CCDC74B: variants seen among roughly 807,000 people sequenced by gnomAD.
CCDC74B encodes the protein coiled-coil domain containing 74B.
CCDC74B carries 34 observed loss-of-function variants against 38.0 expected under a neutral mutation model. That is an observed-to-expected ratio of 0.89 (90% CI 0.68 to 1.19). The LOEUF (loss-of-function observed/expected upper bound fraction) is 1.19, where lower values mean the gene tolerates loss of function less well. Ranked by LOEUF, CCDC74B falls within the 50% of genes most tolerant of loss-of-function variation. CCDC74B has a pLI of 0.00. For missense variants in CCDC74B, 358 were observed against 406.0 expected (o/e 0.88, Z 1.02); for synonymous variants, 132 against 170.4 (o/e 0.77, Z 1.76).
At position 130,140,294 on chromosome 2, in the gene CCDC74B, G is replaced by A. The variant is rs149078598; in HGVS notation, c.563C>T (p.Ala188Val). Residue 188 changes from alanine to valine, a missense_variant, in exon 5 of 8, where the codon GCG becomes GTG. Ala to Val is a moderately conservative substitution (Grantham distance 64). Around this residue, in one of 3 missense-constraint regions of CCDC74B, gnomAD observed 213 missense variants for 212.3 expected, o/e 1.00. Coordinates refer to ENST00000409943, the MANE Select transcript of CCDC74B (RefSeq NM_001258307.2). ...NSQHQGRQMG[A>V]AAHPPMILPL... ...CAGGATCATTGGGGGGTGTGCCGCCGCCCCCATCTGCCTGCCCTGGTGCTG... is the reference window on the plus strand; with the variant it reads ...CAGGATCATTGGGGGGTGTGCCGCCACCCCCATCTGCCTGCCCTGGTGCTG... 4.7e-4 allele frequency: 766 copies of A among 1,612,894 alleles called. 9 individuals are homozygous for A. In the East Asian group the frequency reaches 0.016, roughly 33 times the overall value.
Position 130,140,317 on chromosome 2 carries a change from C to G in CCDC74B, c.540G>C (p.Gln180His). 6.2e-7 allele frequency: 1 copy of G among 1,611,332 alleles called. No homozygotes were observed. The highest frequency in any genetic ancestry group is 8.5e-7 in the Non-Finnish European group (1 of 1,178,808). ...CCGCCCCCATCTGCCTGCCCTGGTG[C>G]TGGCTGTTCCCCATACAGGCAGCTC... ...NAGAACMGNSQHQGRQMGAAA... is the reference protein window; with the variant it reads ...NAGAACMGNSHHQGRQMGAAA... The change falls in exon 5 of 8, where the codon CAG (glutamine) becomes CAC (histidine). Residue 180 changes from glutamine (Q) to histidine (H), a missense_variant. Physicochemically the swap from Gln to His is conservative, Grantham distance 24. This residue lies in a region of CCDC74B where 213 missense variants were observed against 212.3 expected (regional missense o/e 1.00). Coordinates refer to ENST00000409943, the MANE Select transcript of CCDC74B (RefSeq NM_001258307.2).
At chr2:130,143,562 G>C (rs1016375306) in intron 1 of CCDC74B, among the ~76,000 whole-genome samples, 1 of 152,216 alleles carries the variant, frequency 6.6e-6, no homozygotes, top group Non-Finnish European at 1.5e-5. Context: ...GAGATGACTG[G>C]AGGGCGTCCA....
chr2:130,143,232 G>A (rs752335055), intron 2 of CCDC74B, 37 bp downstream of exon 2: 22 of 1,604,354 alleles, frequency 1.4e-5, no homozygotes, highest in South Asian at 1.1e-4. Flanking sequence ...TGGGTGGCAA[G>A]AGCATCCCAT....
At chr2:130,139,838 C>G in intron 7 of CCDC74B, 53 bp downstream of exon 7, 2 of 1,610,446 alleles carry the variant, frequency 1.2e-6, no homozygotes. Context: ...CACTCCCTCC[C>G]TGGGGCCCAG....
At position 130,144,835 on chromosome 2, in the gene CCDC74B, C is replaced by T; in HGVS notation, c.162G>A (p.Glu54=). 5.6e-6 allele frequency: 9 copies of T among 1,613,604 alleles called. No homozygotes were observed. Among genetic ancestry groups the T allele is most frequent in the Middle Eastern group, 1.7e-4 (1 of 6,056 alleles). ...SDPQKRNLDL[E]KSLQFLQQQH... is the part of the protein sequence containing the mutation. ...GCTGCTGCAGGAACTGTAGGCTCTT[C>T]TCCAGGTCCAGGTTCCGTTTCTGCG... The change falls in exon 1 of 8, where the codon GAG becomes GAA. Residue 54 remains glutamate, a synonymous_variant. Transcript: ENST00000409943.
At chr2:130,142,597 C>T in intron 2 of CCDC74B, 6 of 1,547,024 alleles carry the variant, frequency 3.9e-6, no homozygotes, top group Non-Finnish European at 5.2e-6. Context: ...AGGGAGAGCC[C>T]TAGGCACTGC....
At position 130,140,173 on chromosome 2, in the gene CCDC74B, C is replaced by T. The variant is rs771057699; in HGVS notation, c.678+6G>A. 1 of 1,612,444 alleles carries T rather than the reference C, an allele frequency of 6.2e-7. No individual in the cohort carries two copies. The highest frequency in any genetic ancestry group is 2.2e-5 in the East Asian group (1 of 44,828). On this transcript the variant is annotated splice_donor_region_variant and intron_variant, in intron 5 of 7. Transcript: ENST00000409943. ...CCAGGGCCACCCCCACCACCCAGGGCCTCACCTCTTGGGTCTGCAGGAGGT... is the reference window on the plus strand; with the variant it reads ...CCAGGGCCACCCCCACCACCCAGGGTCTCACCTCTTGGGTCTGCAGGAGGT...
intron 4 of CCDC74B, 23 bp from the exon 5 acceptor site, chr2:130,140,394 C>G (rs753773833): frequency 1.3e-6 from 2 of 1,533,784 alleles, no homozygotes; most frequent in Admixed American, 4.1e-5. Context: ...TTGCAGCAGC[C>G]AGAGGTGACC....
chr2:130,144,039 G>A (rs538068194), intron 1 of CCDC74B, among the ~76,000 whole-genome samples: 1 of 147,342 alleles, frequency 6.8e-6, no homozygotes, highest in Non-Finnish European at 1.5e-5. Context: ...GGTGGGGGGC[G>A]GGGGAATGCC....
In CCDC74B at chr2:130,144,390, C is replaced by G. The variant is rs113859686; in HGVS notation, c.250+357G>C. 7.1e-6 allele frequency: 8 copies of G among 1,120,694 alleles called. No homozygotes were observed. In the African/African-American group the frequency reaches 7.7e-5, roughly 11 times the overall value. The allele number at this position is 1,120,694 out of a possible 1,614,324, so 69.4% of individuals were successfully genotyped here. On this transcript the variant is annotated intron_variant, in intron 1 of 7. Coordinates refer to ENST00000409943, the MANE Select transcript of CCDC74B (RefSeq NM_001258307.2). ...TCCTGACCTCGCGATCCGCCCGTCT[C>G]GGTCTCCCAAAGTGCTGGAATTACA...
chr2:130,141,881 C>T, intron 3 of CCDC74B: 1 of 831,904 alleles, frequency 1.2e-6, no homozygotes, highest in South Asian at 1.9e-5. Flanking sequence ...CTCCTGCCTG[C>T]TTGCTGCCCC....
At chr2:130,141,903 C>G in intron 3 of CCDC74B, 1 of 912,702 alleles carries the variant, frequency 1.1e-6, no homozygotes, top group South Asian at 1.8e-5. Flanking sequence ...CCCTGGGGTG[C>G]CTGCTGTGAG....
chr2:130,139,716 C>T, intron 7 of CCDC74B, 26 bp from the exon 8 acceptor site: 15 of 1,612,062 alleles, frequency 9.3e-6, no homozygotes, highest in Non-Finnish European at 1.3e-5. Flanking sequence ...GGGACTGTCA[C>T]CGTGAGCATC....
intron 1 of CCDC74B, chr2:130,144,467 G>C: frequency 7.0e-7 from 1 of 1,433,930 alleles, no homozygotes; most frequent in Non-Finnish European, 9.6e-7. Context: ...ACAGAGGTGT[G>C]TCTGACCCTG....
intron 3 of CCDC74B, 56 bp downstream of exon 3, chr2:130,142,077 C>G: frequency 1.9e-6 from 3 of 1,594,816 alleles, no homozygotes; most frequent in Non-Finnish European, 2.6e-6. Flanking sequence ...GCCACCCAGG[C>G]TGGGGTCCCC....
intron 3 of CCDC74B, chr2:130,141,651 A>G (rs2599964): frequency 0.41 from 155,711 of 381,824 alleles, 33,778 homozygotes; most frequent in African/African-American, 0.64. Flanking sequence ...AGGAATGGTG[A>G]GGGTTAGGGC....
chr2:130,145,067 G>T lies in CCDC74B; in HGVS notation c.-71C>A. 5 of 1,396,254 alleles carry T rather than the reference G, an allele frequency of 3.6e-6. No individual in the cohort carries two copies. The highest frequency in any genetic ancestry group is 3.7e-6 in the Non-Finnish European group (4 of 1,073,176). 86.5% of individuals were successfully genotyped at this position (1,396,254 alleles called of 1,614,324 possible). ...AGTGGCCAGGCCGCCCTAGCCTGGC[G>T]CCCCGTCACCATGGAAACCGGGCGA... On this transcript the variant is annotated 5_prime_UTR_variant, in exon 1 of 8. Coordinates refer to ENST00000409943, the MANE Select transcript of CCDC74B (RefSeq NM_001258307.2).
rs1685935775 is a variant in CCDC74B at position 130,144,866 on chromosome 2, C to T, written c.131G>A (p.Ser44Asn). ...LRPQSPQLRQSDPQKRNLDLE... is the reference protein window; with the variant it reads ...LRPQSPQLRQNDPQKRNLDLE... ...GTCCAGGTTCCGTTTCTGCGGGTCG[C>T]TCTGCCTGAGCTGCGGGCTCTGCGG... Residue 44 changes from serine to asparagine, a missense_variant, in exon 1 of 8, where the codon AGC becomes AAC. By Grantham distance (46) the Ser-to-Asn change is conservative. Coordinates refer to ENST00000409943, the MANE Select transcript of CCDC74B (RefSeq NM_001258307.2). 6.2e-6 allele frequency: 10 copies of T among 1,613,382 alleles called. 1 individual carries two copies. The highest frequency in any genetic ancestry group is 8.5e-6 in the Non-Finnish European group (10 of 1,179,796).
rs368361030 is a variant in CCDC74B at position 130,139,596 on chromosome 2, G to A, written c.904C>T (p.Gln302Ter). ...TGCAGGCGCCGTTTCTGCATTGCCT[G>A]CAGCCTCTTCTGCCTCTCGGCAAAG... Reference protein sequence around the residue: ...NNFAERQKRLQAMQKRRLHRS... With the variant: ...NNFAERQKRL Residue 302 changes from glutamine (Q) to a stop codon, truncating the protein, a stop_gained, in exon 8 of 8, where the codon CAG becomes TAG. Coordinates refer to ENST00000409943, the MANE Select transcript of CCDC74B (RefSeq NM_001258307.2). LOFTEE classifies it high-confidence loss of function. The A allele has an allele frequency of 6.2e-7, 1 of 1,613,226 alleles. No homozygotes were observed. Among genetic ancestry groups the A allele is most frequent in the Non-Finnish European group, 8.5e-7 (1 of 1,179,990 alleles).
Sources: gnomAD v4.1 joint callset for allele counts (sites outside exome capture counted in the v4.1 genomes callset) on GRCh38, gnomAD v4.1.1 for gene constraint, gnomAD v4.1.1 regional missense constraint, MANE v1.5 for transcripts, NCBI Gene and HGNC (gene_info 2026-07-23, HGNC 2026-07-21) for gene names.